Variants in SRGAP2C observed in about 807,000 individuals in gnomAD.
The protein encoded by SRGAP2C is SLIT-ROBO Rho GTPase activating protein 2C.
A neutral mutation model predicts 25.1 loss-of-function variants in SRGAP2C; 15 were observed. The ratio of observed to expected loss-of-function variants is 0.60; its 90% CI spans 0.40 to 0.92. The LOEUF is 0.92. Ranked by LOEUF, SRGAP2C falls within the 40% of genes least tolerant of loss-of-function variation. The probability of loss-of-function intolerance (pLI) is 0.00; values close to 1 mark genes in which losing one functional copy is unlikely to be tolerated. For synonymous variants in SRGAP2C, 44 were observed against 96.6 expected (o/e 0.46, Z 3.19); for missense variants, 144 against 264.4 (o/e 0.54, Z 3.16).
intron 3 of SRGAP2C, among the ~76,000 whole-genome samples, chr1:121,295,427 G>T (rs1657573483): frequency 6.6e-6 from 1 of 150,540 alleles, no homozygotes; most frequent in Admixed American, 6.6e-5. Context: ...ATCTAAATTA[G>T]GTTGGGATGG....
At chr1:121,372,261 C>T (rs1429586381) in intron 5 of SRGAP2C, among the ~76,000 whole-genome samples, 3 of 152,048 alleles carry the variant, frequency 2.0e-5, no homozygotes, top group African/African-American at 7.3e-5. Context: ...ATTAGTATAC[C>T]CACAAAGTCT....
At chr1:121,282,625 G>A in intron 2 of SRGAP2C, among the ~76,000 whole-genome samples, 1 of 151,926 alleles carries the variant, frequency 6.6e-6, no homozygotes, top group Non-Finnish European at 1.5e-5. Flanking sequence ...TGCGATCTCT[G>A]CTCAGTGCAA....
intron 3 of SRGAP2C, among the ~76,000 whole-genome samples, chr1:121,320,652 G>A (rs1431774158): frequency 1.3e-5 from 2 of 149,172 alleles, no homozygotes; most frequent in Non-Finnish European, 3.0e-5. Flanking sequence ...TTTTGGTTTA[G>A]GTAGTCCAAT....
At chr1:121,236,191 C>T (rs1245706609) in intron 2 of SRGAP2C, among the ~76,000 whole-genome samples, 14 of 151,862 alleles carry the variant, frequency 9.2e-5, no homozygotes, top group Non-Finnish European at 1.9e-4. Context: ...GACTGAATTA[C>T]TTTTGTGAAC....
chr1:121,289,201 T>G (rs1291789706), intron 3 of SRGAP2C, among the ~76,000 whole-genome samples: 2 of 148,358 alleles, frequency 1.3e-5, no homozygotes, highest in East Asian at 2.1e-4. Context: ...GCCCATGGAG[T>G]GGGTGGGAGG....
chr1:121,295,782 A>T (rs1170788592), intron 3 of SRGAP2C, among the ~76,000 whole-genome samples: 2 of 151,060 alleles, frequency 1.3e-5, no homozygotes, highest in Non-Finnish European at 2.9e-5. Context: ...TTTTTTTTAG[A>T]TGGAGTTTCG....
intron 3 of SRGAP2C, among the ~76,000 whole-genome samples, chr1:121,295,797 T>C (rs1657585466): frequency 4.6e-5 from 7 of 152,102 alleles, no homozygotes; most frequent in Non-Finnish European, 5.9e-5. Context: ...GTTTCGCTCT[T>C]GTTGCCCAGG....
At chr1:121,226,018 T>G (rs1655657533) in intron 2 of SRGAP2C, among the ~76,000 whole-genome samples, 2 of 151,898 alleles carry the variant, frequency 1.3e-5, no homozygotes, top group Non-Finnish European at 2.9e-5. Flanking sequence ...CAGCATATCT[T>G]TAATTAGAAC....
chr1:121,236,109 C>T (rs587757313), intron 2 of SRGAP2C, among the ~76,000 whole-genome samples: 7,086 of 145,002 alleles, frequency 0.049, 614 homozygotes, highest in African/African-American at 0.17. Flanking sequence ...ATATCCTGCA[C>T]CATACATGGA....
chr1:121,207,557 G>A (rs1403549028), intron 2 of SRGAP2C, among the ~76,000 whole-genome samples: 1 of 152,192 alleles, frequency 6.6e-6, no homozygotes, highest in African/African-American at 2.4e-5. Flanking sequence ...TTCAGGGTGT[G>A]GAGGCAGAAG....
chr1:121,328,983 G>T (rs1658377834), intron 4 of SRGAP2C, among the ~76,000 whole-genome samples: 1 of 134,994 alleles, frequency 7.4e-6, no homozygotes, highest in Non-Finnish European at 1.6e-5. Flanking sequence ...AGGCCAAGGT[G>T]GGCAGATCAC....
chr1:121,375,812 G>C (rs587679643), intron 7 of SRGAP2C, among the ~76,000 whole-genome samples: 2 of 151,940 alleles, frequency 1.3e-5, no homozygotes, highest in Admixed American at 1.3e-4. Flanking sequence ...CCAGTTGCTA[G>C]ATAAGGAAGC....
At chr1:121,239,346 AAAAT>A (rs1399132341) in intron 2 of SRGAP2C, among the ~76,000 whole-genome samples, 1 of 34,512 alleles carries the variant, frequency 2.9e-5, no homozygotes, top group African/African-American at 1.6e-4. Flanking sequence ...GTAATTTGAA[AAAAT>A]AAATAAATAG....
At chr1:121,193,667 C>CTTTTTTTTT (rs60707143) in intron 2 of SRGAP2C, among the ~76,000 whole-genome samples, 3 of 19,740 alleles carry the variant, frequency 1.5e-4, no homozygotes, top group African/African-American at 6.0e-4. Context: ...GTTCTTTTTT[C>CTTTTTTTTT]TTTTTTTTTT....
chr1:121,354,303 TTTCTTTC>T (rs1303850993), intron 4 of SRGAP2C, among the ~76,000 whole-genome samples: 1 of 69,388 alleles, frequency 1.4e-5, no homozygotes, highest in Non-Finnish European at 2.7e-5. Flanking sequence ...TCTTTCTTTC[TTTCTTTC>T]TTTCTTTCTT....
intron 3 of SRGAP2C, among the ~76,000 whole-genome samples, chr1:121,297,586 C>A (rs1297483329): frequency 6.6e-6 from 1 of 150,780 alleles, no homozygotes; most frequent in African/African-American, 2.4e-5. Flanking sequence ...TTAATGGATG[C>A]TCAATAAATG....
At chr1:121,270,944 C>A (rs1168138560) in intron 2 of SRGAP2C, among the ~76,000 whole-genome samples, 3 of 151,100 alleles carry the variant, frequency 2.0e-5, no homozygotes, top group Admixed American at 6.6e-5. Flanking sequence ...AGGCGCCCGC[C>A]ACCACGCCCA....
At chr1:121,254,861 C>G (rs1324759175) in intron 2 of SRGAP2C, among the ~76,000 whole-genome samples, 1 of 151,762 alleles carries the variant, frequency 6.6e-6, no homozygotes, top group Non-Finnish European at 1.5e-5. Context: ...CTCCCTAGGC[C>G]TGGTCAGCTT....
chr1:121,316,865 G>T (rs1224291479), intron 3 of SRGAP2C, among the ~76,000 whole-genome samples: 1 of 147,654 alleles, frequency 6.8e-6, no homozygotes, highest in African/African-American at 2.5e-5. Flanking sequence ...TGGCATTGTA[G>T]CATGTAGATT....
Sources: gnomAD v4.1 joint callset for allele counts (sites outside exome capture counted in the v4.1 genomes callset) on GRCh38, gnomAD v4.1.1 for gene constraint, MANE v1.5 for transcripts, NCBI Gene and HGNC (gene_info 2026-07-23, HGNC 2026-07-21) for gene names.